CIB4: variants seen among roughly 807,000 people sequenced by gnomAD.
CIB4 encodes the protein calcium and integrin binding family member 4, also known as calcium and integrin-binding family member 4.
Under a neutral mutation model 25.8 loss-of-function variants are expected in CIB4, and 25 were observed. The ratio of observed to expected loss-of-function variants is 0.97; its 90% CI spans 0.71 to 1.35. The LOEUF (loss-of-function observed/expected upper bound fraction) is 1.35. Ranked by LOEUF, CIB4 falls within the 40% of genes most tolerant of loss-of-function variation. CIB4 has a pLI of 0.00. For missense variants in CIB4, 235 were observed against 228.2 expected (o/e 1.03, Z -0.19); for synonymous variants, 75 against 81.4 (o/e 0.92, Z 0.42).
chr2:26,608,151 TC>T (rs1168184504), intron 3 of CIB4, among the ~76,000 whole-genome samples: 2 of 148,928 alleles, frequency 1.3e-5, no homozygotes, highest in African/African-American at 5.0e-5. Flanking sequence ...GGCAGGAGAA[TC>T]CCTTGAACCC....
chr2:26,582,313 C>T lies in CIB4; in HGVS notation c.527+512G>A, dbSNP rs141351740. On this transcript the variant is annotated intron_variant, in intron 6 of 6. Coordinates refer to ENST00000288861, the MANE Select transcript of CIB4 (RefSeq NM_001029881.3). Reference sequence around the variant, plus strand: ...CAGCAGCACCCCAAAAAGACTTCAACGTGGCCAGGGAGATCTGGAGATGGC... The same window carrying T: ...CAGCAGCACCCCAAAAAGACTTCAATGTGGCCAGGGAGATCTGGAGATGGC... 2.8e-3 allele frequency among the ~76,000 whole-genome samples: 426 copies of T among 152,328 alleles called. 2 individuals carry two copies. Among genetic ancestry groups the T allele is most frequent in the Non-Finnish European group, 3.5e-3 (239 of 68,024 alleles).
At chr2:26,585,706 G>A (rs1668438297) in intron 4 of CIB4, among the ~76,000 whole-genome samples, 1 of 152,032 alleles carries the variant, frequency 6.6e-6, no homozygotes, top group Admixed American at 6.5e-5. Context: ...TCAGCTCATT[G>A]CAACCTTTAA....
At chr2:26,582,746 A>C in intron 6 of CIB4, 79 bp downstream of exon 6, 1 of 824,850 alleles carries the variant, frequency 1.2e-6, no homozygotes, top group Non-Finnish European at 2.1e-6. Context: ...GAGATGTCCC[A>C]TGGAGTGAGG....
intron 2 of CIB4, among the ~76,000 whole-genome samples, chr2:26,629,903 C>T (rs373685809): frequency 5.3e-5 from 8 of 152,276 alleles, no homozygotes; most frequent in East Asian, 3.9e-4. Context: ...TTGGGGAAGC[C>T]AGGGTCCCCA....
At chr2:26,592,919 G>A (rs1668610989) in intron 4 of CIB4, among the ~76,000 whole-genome samples, 1 of 152,202 alleles carries the variant, frequency 6.6e-6, no homozygotes, top group African/African-American at 2.4e-5. Flanking sequence ...CAATTTGACT[G>A]AGCTAAGGTT....
chr2:26,618,415 A>G (rs1558568319), intron 3 of CIB4, among the ~76,000 whole-genome samples: 1 of 152,154 alleles, frequency 6.6e-6, no homozygotes, highest in African/African-American at 2.4e-5. Context: ...CCTTCTGAGC[A>G]GCTGAGGCTA....
In CIB4 at chr2:26,615,980, G is replaced by A. The variant is rs7580017; in HGVS notation, c.186+13430C>T. ...CTCCCAGCTCCGACTGGCATCAGGC[G>A]TCGGGACCCTCCCACCAGCGCTGGG... On this transcript the variant is annotated intron_variant, in intron 3 of 6. Transcript: ENST00000288861. Among the ~76,000 whole-genome samples, 297 of 152,356 alleles carry A rather than the reference G, an allele frequency of 1.9e-3. 2 individuals carry two copies. Among genetic ancestry groups the A allele is most frequent in the African/African-American group, 6.6e-3 (274 of 41,576 alleles).
intron 4 of CIB4, among the ~76,000 whole-genome samples, chr2:26,589,002 C>CTTT (rs1558554585): frequency 6.1e-5 from 1 of 16,318 alleles, no homozygotes; most frequent in Admixed American, 7.2e-4. Flanking sequence ...TCTTCTTCTT[C>CTTT]TTCTTCTTCT....
intron 3 of CIB4, among the ~76,000 whole-genome samples, chr2:26,624,612 G>T (rs1465930332): frequency 6.6e-6 from 1 of 151,734 alleles, no homozygotes; most frequent in Non-Finnish European, 1.5e-5. Context: ...ACTGACAGTG[G>T]ATGACATATT....
At chr2:26,612,485 C>A (rs1478191564) in intron 3 of CIB4, among the ~76,000 whole-genome samples, 3 of 152,184 alleles carry the variant, frequency 2.0e-5, no homozygotes, top group Non-Finnish European at 4.4e-5. Context: ...ACTTTCTGGG[C>A]GTGAAAGCCT....
chr2:26,582,997 A>G (rs1416535098), intron 5 of CIB4, 84 bp from the exon 6 acceptor site: 2 of 857,940 alleles, frequency 2.3e-6, no homozygotes, highest in Non-Finnish European at 3.9e-6. Context: ...GGAAAGCCAC[A>G]TGCCAGGGGC....
intron 3 of CIB4, among the ~76,000 whole-genome samples, chr2:26,608,971 C>T (rs938166671): frequency 1.3e-5 from 2 of 152,182 alleles, no homozygotes; most frequent in African/African-American, 4.8e-5. Flanking sequence ...CTTCCCTCTT[C>T]TAATTTCTGC....
intron 3 of CIB4, among the ~76,000 whole-genome samples, chr2:26,622,769 G>A (rs1383056917): frequency 6.6e-6 from 1 of 152,014 alleles, no homozygotes; most frequent in Admixed American, 6.5e-5. Flanking sequence ...GATCACTTGA[G>A]GTCAGGAGTT....
At chr2:26,640,393 G>T in intron 2 of CIB4, 140 bp downstream of exon 2, 2 of 841,422 alleles carry the variant, frequency 2.4e-6, no homozygotes, top group Non-Finnish European at 1.8e-6. Context: ...CCTGCCTGCC[G>T]TGTCCCAGCC....
At position 26,583,851 on chromosome 2, in the gene CIB4, T is replaced by TGATCCTCTGCA. The variant is rs1668399803; in HGVS notation, c.365_375dup (p.Ile126CysfsTer9). On this transcript the variant is annotated frameshift_variant, in exon 5 of 7. Coordinates refer to ENST00000288861, the MANE Select transcript of CIB4 (RefSeq NM_001029881.3). LOFTEE classifies it high-confidence loss of function. ...TCATCACTGTTCAGCAGTCGCAGGATGATCCTCTGCAGATCCTCCTCATCA... is the reference window on the plus strand; with the variant it reads ...TCATCACTGTTCAGCAGTCGCAGGATGATCCTCTGCAGATCCTCTGCAGATCCTCCTCATCA... The TGATCCTCTGCA allele has an allele frequency of 1.2e-6, 2 of 1,613,420 alleles. No individual in the cohort carries two copies. The highest frequency in any genetic ancestry group is 1.7e-6 in the Non-Finnish European group (2 of 1,179,616).
intron 3 of CIB4, among the ~76,000 whole-genome samples, chr2:26,599,079 A>G (rs7596899): frequency 0.012 from 1,840 of 152,328 alleles, 35 homozygotes; most frequent in African/African-American, 0.041. Context: ...GAGAGTTATC[A>G]TCTGTATGAA....
intron 4 of CIB4, among the ~76,000 whole-genome samples, chr2:26,590,238 A>T (rs905704401): frequency 2.5e-5 from 3 of 120,968 alleles, no homozygotes; most frequent in Non-Finnish European, 4.9e-5. Context: ...AGGTCCCTGG[A>T]GCTGGGGCCC....
intron 3 of CIB4, among the ~76,000 whole-genome samples, chr2:26,625,188 G>A (rs915690320): frequency 6.6e-6 from 1 of 152,060 alleles, no homozygotes; most frequent in Admixed American, 6.6e-5. Flanking sequence ...TTTTGAGACC[G>A]AAGGATGCTA....
intron 3 of CIB4, among the ~76,000 whole-genome samples, chr2:26,609,966 A>G (rs898979632): frequency 3.9e-5 from 6 of 152,238 alleles, no homozygotes; most frequent in Admixed American, 2.0e-4. Context: ...AGGGCAGACC[A>G]GGCAGCGGAA....
Sources: gnomAD v4.1 joint callset for allele counts (sites outside exome capture counted in the v4.1 genomes callset) on GRCh38, gnomAD v4.1.1 for gene constraint, MANE v1.5 for transcripts, NCBI Gene and HGNC (gene_info 2026-07-23, HGNC 2026-07-21) for gene names.